The following CREBBP variants were observed in gnomAD, a reference collection of about 807,000 sequenced individuals.
CREBBP encodes the protein CREB-binding protein.
Under a neutral mutation model 265.0 loss-of-function variants are expected in CREBBP, and 19 were observed. The ratio of observed to expected loss-of-function variants is 0.07; its 90% CI spans 0.05 to 0.11. The LOEUF (loss-of-function observed/expected upper bound fraction) is 0.11. CREBBP is among the 10% of genes least tolerant of loss of function. The probability of loss-of-function intolerance (pLI) is 1.00; values close to 1 mark genes in which losing one functional copy is unlikely to be tolerated. For missense variants in CREBBP, 2,525 were observed against 3,219.0 expected, an observed-to-expected ratio of 0.78 and a Z score of 5.22; for synonymous variants, 1,457 against 1,223.7, an observed-to-expected ratio of 1.19 and a Z score of -3.98.
chr16:3,830,653 A>G (rs1343909725), intron 2 of CREBBP, among the ~76,000 whole-genome samples: 3 of 152,216 alleles, frequency 2.0e-5, no homozygotes, highest in African/African-American at 7.2e-5. Context: ...CAAACCTAAA[A>G]TTGTAATTGT....
chr16:3,866,236 C>T (rs1024427493), intron 1 of CREBBP, among the ~76,000 whole-genome samples: 1 of 152,188 alleles, frequency 6.6e-6, no homozygotes, highest in Non-Finnish European at 1.5e-5. Flanking sequence ...AACGCTCACA[C>T]AGGGAAATCT....
intron 16 of CREBBP, among the ~76,000 whole-genome samples, chr16:3,765,112 T>C (rs935584752): frequency 6.6e-6 from 1 of 152,188 alleles, no homozygotes; most frequent in African/African-American, 2.4e-5. Flanking sequence ...CAGCTGGGAC[T>C]ACAGGCGCCC....
intron 16 of CREBBP, among the ~76,000 whole-genome samples, chr16:3,766,599 C>T (rs1371147284): frequency 6.6e-6 from 1 of 151,876 alleles, no homozygotes; most frequent in Non-Finnish European, 1.5e-5. Context: ...GATCTGGGCT[C>T]ACTGCAGCCT....
At chr16:3,751,910 G>T in intron 19 of CREBBP, 104 bp from the exon 20 acceptor site, 1 of 1,077,670 alleles carries the variant, frequency 9.3e-7, no homozygotes, top group Non-Finnish European at 1.4e-6. Context: ...CCACGACGAA[G>T]GGGGGGCGTT....
chr16:3,756,903 C>T (rs2052598961), intron 19 of CREBBP, among the ~76,000 whole-genome samples: 1 of 152,184 alleles, frequency 6.6e-6, no homozygotes, highest in Non-Finnish European at 1.5e-5. Context: ...AATAACGTAC[C>T]TAATCCAAGT....
At chr16:3,836,458 A>G (rs1332109557) in intron 2 of CREBBP, among the ~76,000 whole-genome samples, 1 of 151,588 alleles carries the variant, frequency 6.6e-6, no homozygotes, top group African/African-American at 2.4e-5. Context: ...AAGAAAAAAA[A>G]GAAAAAAAAG....
At position 3,729,361 on chromosome 16, in the gene CREBBP, G is replaced by C; in HGVS notation, c.5686C>G (p.Gln1896Glu). The C allele has an allele frequency of 6.2e-7, 1 of 1,606,030 alleles. No individual in the cohort carries two copies. Among genetic ancestry groups the C allele is most frequent in the South Asian group, 1.1e-5 (1 of 90,880 alleles). The change falls in exon 31 of 31, where the codon CAG (glutamine) becomes GAG (glutamate). Residue 1896 changes from glutamine to glutamate, a missense_variant. By Grantham distance (29) the Gln-to-Glu change is conservative. This residue lies in a region of CREBBP where 275 missense variants were observed against 276.5 expected (regional missense o/e 0.99). Coordinates refer to ENST00000262367, the MANE Select transcript of CREBBP (RefSeq NM_004380.3). ...TSAPPGTPTQ[Q>E]PSTPQTPQPP... ...TGCGGCGTCTGGGGTGTGCTGGGCT[G>C]CTGTGTGGGGGTCCCGGGCGGTGCT...
At chr16:3,780,392 C>G (rs2053245759) in intron 8 of CREBBP, among the ~76,000 whole-genome samples, 1 of 152,066 alleles carries the variant, frequency 6.6e-6, no homozygotes, top group South Asian at 2.1e-4. Context: ...TAAGGTGAGG[C>G]TCTTGAGCTA....
At chr16:3,868,521 C>T (rs1018459089) in intron 1 of CREBBP, among the ~76,000 whole-genome samples, 2 of 152,096 alleles carry the variant, frequency 1.3e-5, no homozygotes, top group Non-Finnish European at 2.9e-5. Flanking sequence ...TTTTTTAAAG[C>T]TTAATTTTGT....
Position 3,728,720 on chromosome 16 carries a change from C to G in CREBBP, c.6327G>C (p.Val2109=). 1 of 1,613,994 alleles carries G rather than the reference C, an allele frequency of 6.2e-7. No individual in the cohort carries two copies. The highest frequency in any genetic ancestry group is 1.3e-5 in the African/African-American group (1 of 75,052). ...AFIKQRTAKY[V]ANQPGMQPQP... ...GGGGCTGCATGCCGGGCTGATTGGCCACGTACTTGGCTGTGCGCTGTTTGA... is the reference window on the plus strand; with the variant it reads ...GGGGCTGCATGCCGGGCTGATTGGCGACGTACTTGGCTGTGCGCTGTTTGA... Residue 2109 remains valine (V), a synonymous_variant, in exon 31 of 31, where the codon GTG becomes GTC. Transcript: ENST00000262367. This position sits in a 1 kb window ranked among gnomAD's most constrained non-coding sequence, Gnocchi z 8.7.
chr16:3,770,213 G>C (rs113130065), intron 14 of CREBBP, among the ~76,000 whole-genome samples: 1 of 151,728 alleles, frequency 6.6e-6, no homozygotes, highest in African/African-American at 2.4e-5. Context: ...ACAATGTCTC[G>C]CTCTGTTGCC....
At chr16:3,861,924 T>C (rs983505932) in intron 1 of CREBBP, among the ~76,000 whole-genome samples, 1 of 152,182 alleles carries the variant, frequency 6.6e-6, no homozygotes, top group Non-Finnish European at 1.5e-5. Flanking sequence ...TGAGTAAGTC[T>C]TGCCCCTCCT....
In CREBBP at chr16:3,851,272, G is replaced by A. The variant is rs1597055422; in HGVS notation, c.86-263C>T. 5.4e-5 allele frequency among the ~76,000 whole-genome samples: 4 copies of A among 73,422 alleles called. No homozygotes were observed. In the South Asian group the frequency reaches 1.9e-3, roughly 35 times the overall value. 48.2% of individuals were successfully genotyped at this position (73,422 alleles called of 152,430 possible). Reference sequence around the variant, plus strand: ...CATTGCACTCCAGCCTGGGCAACAAGACCGAAACACCGTCTCAAAAAAAAA... The same window carrying A: ...CATTGCACTCCAGCCTGGGCAACAAAACCGAAACACCGTCTCAAAAAAAAA... On this transcript the variant is annotated intron_variant, in intron 1 of 30. Coordinates refer to ENST00000262367, the MANE Select transcript of CREBBP (RefSeq NM_004380.3).
chr16:3,820,642 T>C (rs972267452), intron 2 of CREBBP, among the ~76,000 whole-genome samples: 8 of 152,154 alleles, frequency 5.3e-5, no homozygotes, highest in South Asian at 2.1e-4. Flanking sequence ...GGCACGAGGA[T>C]TGCTTGAGGC....
At chr16:3,818,570 T>C (rs2097795) in intron 2 of CREBBP, among the ~76,000 whole-genome samples, 144,570 of 152,186 alleles carry the variant, frequency 0.95, 68,735 homozygotes, top group East Asian at 1. Context: ...GTGATCCGCC[T>C]GCCTTGGCCT....
intron 13 of CREBBP, among the ~76,000 whole-genome samples, chr16:3,771,240 T>C (rs1162245067): frequency 6.6e-6 from 1 of 152,076 alleles, no homozygotes. Flanking sequence ...AGCTAATTTT[T>C]CTGTTTTTAG....
chr16:3,779,812 A>G (rs909578475), intron 8 of CREBBP, among the ~76,000 whole-genome samples: 23 of 152,250 alleles, frequency 1.5e-4, no homozygotes, highest in African/African-American at 5.5e-4. Context: ...TAAAATAACT[A>G]GCTCAACAAC....
chr16:3,788,178 A>C (rs1287991581), intron 5 of CREBBP, among the ~76,000 whole-genome samples: 1 of 152,154 alleles, frequency 6.6e-6, no homozygotes, highest in Non-Finnish European at 1.5e-5. Flanking sequence ...TCTAGGTTGG[A>C]AAACCCCTGG....
intron 8 of CREBBP, among the ~76,000 whole-genome samples, chr16:3,780,449 C>T (rs1194804847): frequency 6.6e-6 from 1 of 152,086 alleles, no homozygotes; most frequent in Non-Finnish European, 1.5e-5. Context: ...ACATTAAGGC[C>T]GGGCTGCACT....
Sources: gnomAD v4.1 joint callset for allele counts (sites outside exome capture counted in the v4.1 genomes callset) on GRCh38, gnomAD v4.1.1 for gene constraint, gnomAD v4.1.1 regional missense constraint, Gnocchi (gnomAD v3.1) non-coding constraint, MANE v1.5 for transcripts, NCBI Gene and HGNC (gene_info 2026-07-23, HGNC 2026-07-21) for gene names.